The following GTF2F2 variants were observed in gnomAD, a reference collection of about 807,000 sequenced individuals.
GTF2F2 encodes ATP-dependent helicase GTF2F2.
GTF2F2 carries 23 observed loss-of-function variants against 42.2 expected under a neutral mutation model. The ratio of observed to expected loss-of-function variants is 0.55; its 90% CI spans 0.39 to 0.77. The LOEUF is 0.77. GTF2F2 is among the 30% of genes least tolerant of loss of function. The pLI is 0.00. For synonymous variants in GTF2F2, 105 were observed against 100.8 expected (o/e 1.04, Z -0.25); for missense variants, 261 against 287.2 (o/e 0.91, Z 0.66).
chr13:45,121,029 A>C (rs533461454), intron 1 of GTF2F2, among the ~76,000 whole-genome samples: 2 of 152,296 alleles, frequency 1.3e-5, no homozygotes, highest in African/African-American at 4.8e-5. Flanking sequence ...CCCAGACTGA[A>C]GAATTCCTTG....
chr13:45,149,660 T>C, intron 2 of GTF2F2, 110 bp from the exon 3 acceptor site: 2 of 1,110,420 alleles, frequency 1.8e-6, no homozygotes, highest in Admixed American at 3.4e-5. Context: ...TTAATCTCTG[T>C]AAATGTAATA....
chr13:45,206,556 C>A (rs1873420682), intron 4 of GTF2F2: 1 of 152,118 alleles, frequency 6.6e-6, no homozygotes, highest in Admixed American at 6.5e-5. Flanking sequence ...CAGGTGAATT[C>A]TTGTGGAAAT....
At chr13:45,234,973 A>T (rs1250729321) in intron 5 of GTF2F2, among the ~76,000 whole-genome samples, 10 of 138,540 alleles carry the variant, frequency 7.2e-5, no homozygotes, top group Non-Finnish European at 1.5e-4. Flanking sequence ...TGAACCCAGG[A>T]GGCAGAGCTT....
intron 4 of GTF2F2, among the ~76,000 whole-genome samples, chr13:45,173,087 G>A (rs1395453492): frequency 6.6e-6 from 1 of 152,060 alleles, no homozygotes; most frequent in African/African-American, 2.4e-5. Context: ...TTGGTGGACA[G>A]CATTACAAAA....
chr13:45,221,849 T>C (rs1874132447), intron 5 of GTF2F2, among the ~76,000 whole-genome samples: 1 of 152,188 alleles, frequency 6.6e-6, no homozygotes, highest in African/African-American at 2.4e-5. Context: ...GCAGCCATAG[T>C]TGCCACCTTT....
intron 4 of GTF2F2, among the ~76,000 whole-genome samples, chr13:45,156,264 G>A (rs1216882096): frequency 2.6e-5 from 4 of 152,234 alleles, no homozygotes; most frequent in African/African-American, 9.6e-5. Context: ...ATGGAGATAT[G>A]TACAAAGAGG....
chr13:45,211,374 GTT>G (rs370469537), intron 5 of GTF2F2, among the ~76,000 whole-genome samples: 1 of 136,834 alleles, frequency 7.3e-6, no homozygotes, highest in Non-Finnish European at 1.6e-5. Flanking sequence ...AATTTTTTTT[GTT>G]TTTTTTTTTT....
chr13:45,193,881 C>G, intron 4 of GTF2F2: 1 of 1,614,114 alleles, frequency 6.2e-7, no homozygotes, highest in Non-Finnish European at 8.5e-7. Context: ...TTAAAGCCAT[C>G]ATGATAGCCT....
At position 45,225,107 on chromosome 13, in the gene GTF2F2, C is replaced by A. The variant is rs532522111; in HGVS notation, c.386+17602C>A. ...TTGACTCAACAGGTCTGAGTTGGGA[C>A]TAGAAATATGCATTGCTAATAGGCA... On this transcript the variant is annotated intron_variant, in intron 5 of 7. Transcript: ENST00000340473. Among the ~76,000 whole-genome samples the A allele has an allele frequency of 1.3e-3, 196 of 152,284 alleles. 2 individuals are homozygous for A. The highest frequency in any genetic ancestry group is 6.8e-3 in the Middle Eastern group (2 of 294).
intron 5 of GTF2F2, among the ~76,000 whole-genome samples, chr13:45,215,205 T>G (rs1227175438): frequency 6.6e-6 from 1 of 152,180 alleles, no homozygotes; most frequent in East Asian, 1.9e-4. Flanking sequence ...GGATGCTAAG[T>G]TTAATGCAAA....
chr13:45,130,130 A>C (rs1436054920), intron 1 of GTF2F2, among the ~76,000 whole-genome samples: 1 of 152,184 alleles, frequency 6.6e-6, no homozygotes, highest in Non-Finnish European at 1.5e-5. Flanking sequence ...TTTTCTTCTG[A>C]GTGAGATGGG....
At chr13:45,160,009 T>C (rs941510106) in intron 4 of GTF2F2, among the ~76,000 whole-genome samples, 4 of 152,212 alleles carry the variant, frequency 2.6e-5, no homozygotes, top group Non-Finnish European at 5.9e-5. Context: ...CAGCTGCATA[T>C]GCAGTGGGAC....
chr13:45,164,562 A>G (rs556929749), intron 4 of GTF2F2, among the ~76,000 whole-genome samples: 4 of 152,212 alleles, frequency 2.6e-5, no homozygotes, highest in South Asian at 2.1e-4. Context: ...GTGAAACCCT[A>G]TCTCCACAAA....
At position 45,127,938 on chromosome 13, in the gene GTF2F2, CTTTTTTTT is replaced by C. The variant is rs1161627204; in HGVS notation, c.66+7241_66+7248del. ...GAGCCACTGTGCCTGGCACCCCGGC[CTTTTTTTT>C]TTTTTTTTTTTTTTTTTTTTTTTCT... On this transcript the variant is annotated intron_variant, in intron 1 of 7. Coordinates refer to ENST00000340473, the MANE Select transcript of GTF2F2 (RefSeq NM_004128.3). Among the ~76,000 whole-genome samples, 419 of 48,614 alleles carry C rather than the reference CTTTTTTTT, an allele frequency of 8.6e-3. 2 individuals are homozygous for C. Among genetic ancestry groups the C allele is most frequent in the African/African-American group, 0.026 (313 of 12,092 alleles). 31.9% of individuals were successfully genotyped at this position (48,614 alleles called of 152,430 possible).
At chr13:45,279,033 G>A (rs895769103) in intron 7 of GTF2F2, among the ~76,000 whole-genome samples, 5 of 151,668 alleles carry the variant, frequency 3.3e-5, no homozygotes, top group Admixed American at 1.3e-4. Context: ...CATGTTGGCC[G>A]GCTGGTCTTG....
intron 4 of GTF2F2, among the ~76,000 whole-genome samples, chr13:45,159,155 G>A (rs938549781): frequency 1.3e-5 from 2 of 152,202 alleles, no homozygotes; most frequent in Admixed American, 1.3e-4. Context: ...AGTAGCAGCT[G>A]AGTTCACTGA....
At chr13:45,278,099 A>T (rs1276463023) in intron 7 of GTF2F2, among the ~76,000 whole-genome samples, 1 of 152,210 alleles carries the variant, frequency 6.6e-6, no homozygotes. Flanking sequence ...CATTTGTTTG[A>T]CAGAGCAGGA....
rs182695765 is a variant in GTF2F2, at chr13:45,216,667, G to A, written c.386+9162G>A. 2.3e-4 allele frequency among the ~76,000 whole-genome samples: 35 copies of A among 151,930 alleles called. No homozygotes were observed. The South Asian group carries it at 3.8e-3, about 16-fold the overall frequency. ...AGAGTAGCTGGGATTATAAGCATGC[G>A]CCACCACGCCTGGCTATTTTTTTGC... On this transcript the variant is annotated intron_variant, in intron 5 of 7. Transcript: ENST00000340473.
intron 4 of GTF2F2, among the ~76,000 whole-genome samples, chr13:45,176,720 A>G (rs1165042740): frequency 6.6e-6 from 1 of 151,840 alleles, no homozygotes; most frequent in Non-Finnish European, 1.5e-5. Context: ...CATCTTCCAT[A>G]AGCTTTTTTG....
Sources: allele counts gnomAD v4.1 joint callset (sites outside exome capture counted in the v4.1 genomes callset), GRCh38; gene constraint gnomAD v4.1.1; transcripts MANE v1.5; gene names NCBI Gene and HGNC (gene_info 2026-07-23, HGNC 2026-07-21).